Variants in PTPN9 observed in about 807,000 individuals in gnomAD.
PTPN9 encodes tyrosine-protein phosphatase non-receptor type 9.
A neutral mutation model predicts 69.8 loss-of-function variants in PTPN9; 26 were observed. That is an observed-to-expected ratio of 0.37 (90% CI 0.27 to 0.52). The LOEUF is 0.52. PTPN9 is among the 20% of genes least tolerant of loss of function. PTPN9 has a pLI of 0.91. For synonymous variants in PTPN9, 274 were observed against 272.5 expected (o/e 1.01, Z -0.05); for missense variants, 549 against 740.3 (o/e 0.74, Z 3.00).
intron 9 of PTPN9, among the ~76,000 whole-genome samples, chr15:75,475,824 A>G (rs578161682): frequency 3.3e-5 from 5 of 152,220 alleles, no homozygotes; most frequent in African/African-American, 1.2e-4. Context: ...TAAATATCCA[A>G]TAAGAGAGGA....
At chr15:75,548,895 C>T (rs1236604813) in intron 1 of PTPN9, among the ~76,000 whole-genome samples, 5 of 150,856 alleles carry the variant, frequency 3.3e-5, no homozygotes, top group Middle Eastern at 3.3e-3. Context: ...CCTTGTGATC[C>T]GCCCGCCTCA....
chr15:75,485,409 C>G (rs551372857), intron 8 of PTPN9, among the ~76,000 whole-genome samples: 2 of 143,028 alleles, frequency 1.4e-5, no homozygotes, highest in Non-Finnish European at 3.0e-5. Context: ...TTGCCCAGGC[C>G]GGACTGCGGA....
chr15:75,503,769 TGG>T (rs560139024), intron 7 of PTPN9, among the ~76,000 whole-genome samples: 31,456 of 51,446 alleles, frequency 0.61, 10,415 homozygotes, highest in African/African-American at 0.78. Context: ...GGGAGGGAGG[TGG>T]GGGGGGGGTC....
At chr15:75,541,310 T>A (rs2075007564) in intron 1 of PTPN9, among the ~76,000 whole-genome samples, 1 of 151,758 alleles carries the variant, frequency 6.6e-6, no homozygotes, top group African/African-American at 2.4e-5. Flanking sequence ...GTCGCACTCC[T>A]GGCCTCCAGT....
intron 7 of PTPN9, among the ~76,000 whole-genome samples, chr15:75,490,637 T>G (rs1169657660): frequency 6.6e-6 from 1 of 152,052 alleles, no homozygotes; most frequent in Non-Finnish European, 1.5e-5. Flanking sequence ...TATCTCTTTT[T>G]TTTTTGAGAC....
At chr15:75,515,019 C>A (rs923938380) in intron 5 of PTPN9, among the ~76,000 whole-genome samples, 1 of 152,058 alleles carries the variant, frequency 6.6e-6, no homozygotes, top group Non-Finnish European at 1.5e-5. Context: ...ACTTTAGGAC[C>A]CAACAATCTA....
intron 1 of PTPN9, among the ~76,000 whole-genome samples, chr15:75,562,791 CAAAAAAA>C (rs60164759): frequency 0.017 from 1,354 of 80,128 alleles, 20 homozygotes; most frequent in African/African-American, 0.062. Context: ...AGACTCGTTT[CAAAAAAA>C]AAAAAAAAAA....
chr15:75,518,765 C>T (rs1037201439), intron 4 of PTPN9, among the ~76,000 whole-genome samples: 1 of 148,728 alleles, frequency 6.7e-6, no homozygotes, highest in Non-Finnish European at 1.5e-5. Context: ...TGCAGTGAAT[C>T]GAGATTGCAC....
intron 2 of PTPN9, among the ~76,000 whole-genome samples, chr15:75,525,146 T>G (rs1156860305): frequency 6.6e-6 from 1 of 152,042 alleles, no homozygotes; most frequent in Admixed American, 6.6e-5. Context: ...CCACCTGATA[T>G]TGTCTCCAAC....
intron 1 of PTPN9, among the ~76,000 whole-genome samples, chr15:75,528,772 C>T: frequency 6.7e-6 from 1 of 149,942 alleles, no homozygotes; most frequent in East Asian, 2.0e-4. Context: ...ACAATTACTG[C>T]TCATTGCAGC....
chr15:75,485,102 A>G (rs1052908828), intron 8 of PTPN9, among the ~76,000 whole-genome samples: 5 of 152,282 alleles, frequency 3.3e-5, no homozygotes, highest in African/African-American at 1.2e-4. Flanking sequence ...CACTGAGCTA[A>G]TAGACCACCT....
intron 1 of PTPN9, among the ~76,000 whole-genome samples, chr15:75,554,855 C>G (rs542703878): frequency 6.6e-6 from 1 of 152,276 alleles, no homozygotes; most frequent in South Asian, 2.1e-4. Flanking sequence ...ACTCACATGT[C>G]CAGACTCTCA....
intron 9 of PTPN9, among the ~76,000 whole-genome samples, chr15:75,477,125 G>A (rs2074600631): frequency 6.6e-6 from 1 of 152,126 alleles, no homozygotes; most frequent in Admixed American, 6.6e-5. Context: ...AAACAAACAT[G>A]GGTTCAAACC....
At chr15:75,521,550 T>A (rs1401400531) in intron 4 of PTPN9, among the ~76,000 whole-genome samples, 4 of 152,040 alleles carry the variant, frequency 2.6e-5, no homozygotes, top group East Asian at 1.9e-4. Flanking sequence ...ACATTGGTTT[T>A]AAAAAAACGG....
chr15:75,494,338 C>T (rs2074727935), intron 7 of PTPN9, among the ~76,000 whole-genome samples: 1 of 151,926 alleles, frequency 6.6e-6, no homozygotes. Flanking sequence ...TACACTAAGG[C>T]ACATCATTGT....
At chr15:75,562,447 G>C (rs1053797097) in intron 1 of PTPN9, among the ~76,000 whole-genome samples, 1 of 152,166 alleles carries the variant, frequency 6.6e-6, no homozygotes, top group African/African-American at 2.4e-5. Flanking sequence ...GTTAAAGGCA[G>C]AGGAAGTGCA....
At chr15:75,530,902 A>G (rs1376252845) in intron 1 of PTPN9, among the ~76,000 whole-genome samples, 1 of 107,374 alleles carries the variant, frequency 9.3e-6, no homozygotes, top group African/African-American at 3.3e-5. Flanking sequence ...ATATTATATT[A>G]TATATTATAA....
Position 75,505,890 on chromosome 15 carries a change from T to G in PTPN9, c.753A>C (p.Leu251=). 6.2e-7 allele frequency: 1 copy of G among 1,613,900 alleles called. No individual in the cohort carries two copies. Among genetic ancestry groups the G allele is most frequent in the Non-Finnish European group, 8.5e-7 (1 of 1,179,976 alleles). ...IDLATWNFQF[L]PQVNGHPDPF... ...GATCTGGGTGGCCGTTCACCTGGGG[T>G]AGGAACTGGAAATTCCAAGTGGCGA... Residue 251 remains leucine, a synonymous_variant, in exon 7 of 13, where the codon CTA becomes CTC. Coordinates refer to ENST00000618819, the MANE Select transcript of PTPN9 (RefSeq NM_002833.4).
At position 75,527,226 on chromosome 15, in the gene PTPN9, C is replaced by A; in HGVS notation, c.99G>T (p.Trp33Cys). The change falls in exon 2 of 13, where the codon TGG becomes TGT. Residue 33 changes from tryptophan to cysteine, a missense_variant. By Grantham distance (215) the Trp-to-Cys change is radical (BLOSUM62 -2). Around this residue, in one of 3 missense-constraint regions of PTPN9, gnomAD observed 62 missense variants for 53.6 expected, o/e 1.16. Coordinates refer to ENST00000618819, the MANE Select transcript of PTPN9 (RefSeq NM_002833.4). Reference protein sequence around the residue: ...TKQFLEEINKWTVQYNVSPLS... With the variant: ...TKQFLEEINKCTVQYNVSPLS... ...GCGGGGAAACATTGTACTGAACTGT[C>A]CACTTGTTAATCTCTTCGAGAAACT... 1 of 1,614,080 alleles carries A rather than the reference C, an allele frequency of 6.2e-7. No homozygotes were observed. Among genetic ancestry groups the A allele is most frequent in the Non-Finnish European group, 8.5e-7 (1 of 1,179,994 alleles).
Sources: gnomAD v4.1 joint callset for allele counts (sites outside exome capture counted in the v4.1 genomes callset) on GRCh38, gnomAD v4.1.1 for gene constraint, gnomAD v4.1.1 regional missense constraint, MANE v1.5 for transcripts, NCBI Gene and HGNC (gene_info 2026-07-23, HGNC 2026-07-21) for gene names.